The following LIG3 variants were observed in gnomAD, a reference collection of about 807,000 sequenced individuals.
LIG3 encodes the protein DNA ligase 3, also known as ligase II, DNA, ATP-dependent.
LIG3 carries 58 observed loss-of-function variants against 110.9 expected under a neutral mutation model. The observed-to-expected ratio is 0.52, with a 90% CI of 0.42 to 0.65. LIG3 has a LOEUF of 0.65. Ranked by LOEUF, LIG3 falls within the 30% of genes least tolerant of loss-of-function variation. The probability of loss-of-function intolerance (pLI) is 0.00; values close to 1 mark genes in which losing one functional copy is unlikely to be tolerated. For synonymous variants in LIG3, 422 were observed against 472.8 expected (o/e 0.89, Z 1.39); for missense variants, 1,094 against 1,273.8 (o/e 0.86, Z 2.15).
Position 34,994,304 on chromosome 17 carries a change from C to T in LIG3, c.1484C>T (p.Ala495Val). The T allele has an allele frequency of 6.2e-7, 1 of 1,613,736 alleles. No homozygotes were observed. Among genetic ancestry groups the T allele is most frequent in the Non-Finnish European group, 8.5e-7 (1 of 1,179,964 alleles). The change falls in exon 9 of 20, where the codon GCA becomes GTA. Residue 495 changes from alanine (A) to valine (V), a missense_variant. By Grantham distance (64) the Ala-to-Val change is moderately conservative. Coordinates refer to ENST00000378526, the MANE Select transcript of LIG3 (RefSeq NM_013975.4). Reference sequence around the variant, plus strand: ...GAGGCCTGCAAGTCCGTTGAGTATGCAATGAAGAAATGTCCCAATGGCATG... The same window carrying T: ...GAGGCCTGCAAGTCCGTTGAGTATGTAATGAAGAAATGTCCCAATGGCATG... The part of the protein sequence containing the change: ...LAEACKSVEY[A>V]MKKCPNGMFS...
chr17:34,996,030 T>C, intron 9 of LIG3, 34 bp from the exon 10 acceptor site: 1 of 1,602,360 alleles, frequency 6.2e-7, no homozygotes, highest in Non-Finnish European at 8.5e-7. Context: ...TGCTGCCATG[T>C]CATCCCTCAC....
intron 15 of LIG3, 72 bp downstream of exon 15, chr17:34,999,521 G>A: frequency 1.9e-6 from 3 of 1,543,152 alleles, no homozygotes; most frequent in Non-Finnish European, 1.8e-6. Context: ...TGTGCTTTGG[G>A]GACTACAGGT....
At chr17:34,997,312 G>A (rs1355743551) in intron 11 of LIG3, 1 of 177,962 alleles carries the variant, frequency 5.6e-6, no homozygotes, top group Non-Finnish European at 1.2e-5. Context: ...GAAGGAATTG[G>A]TGGGGGTAGG....
At chr17:34,991,595 C>A in intron 5 of LIG3, 76 bp from the exon 6 acceptor site, 1 of 1,447,130 alleles carries the variant, frequency 6.9e-7, no homozygotes, top group South Asian at 1.2e-5. Flanking sequence ...CTTGATTCAT[C>A]TTCAGTCCTG....
chr17:35,005,987 G>A lies in LIG3; in HGVS notation c.*1481G>A, dbSNP rs2090893046. 2 of 250,206 alleles carry A rather than the reference G, an allele frequency of 8.0e-6. No individual in the cohort carries two copies. Among genetic ancestry groups the A allele is most frequent in the Non-Finnish European group, 1.6e-5 (2 of 127,418 alleles). The allele number at this position is 250,206 out of a possible 1,614,324, so 15.5% of individuals were successfully genotyped here. ...ACCTATTGATAATACCAACAATGTT[G>A]AGTGGCATTTTCTTCTTAGTTTTTA... is the stretch of plus-strand genomic sequence containing the variant. On this transcript the variant is annotated 3_prime_UTR_variant, in exon 20 of 20. Transcript: ENST00000378526.
chr17:34,985,277 G>A (rs1234448407), intron 2 of LIG3, among the ~76,000 whole-genome samples: 1 of 152,094 alleles, frequency 6.6e-6, no homozygotes, highest in Non-Finnish European at 1.5e-5. Context: ...GTAAAATAAT[G>A]TTCATATCTT....
intron 8 of LIG3, among the ~76,000 whole-genome samples, chr17:34,992,980 A>T (rs1428217976): frequency 6.6e-6 from 1 of 152,060 alleles, no homozygotes; most frequent in Non-Finnish European, 1.5e-5. Context: ...TCCTGTGTGG[A>T]TGACGTCTGA....
intron 16 of LIG3, among the ~76,000 whole-genome samples, 200 bp downstream of exon 16, chr17:35,000,056 T>TA (rs1327160496): frequency 4.6e-5 from 7 of 152,102 alleles, no homozygotes; most frequent in African/African-American, 7.2e-5. Context: ...ACAATTGCTT[T>TA]AAAAAAAGAG....
In LIG3 at chr17:35,005,269, G is replaced by A. The variant is rs750159072; in HGVS notation, c.*763G>A. The A allele has an allele frequency of 1.9e-6, 1 of 524,206 alleles. No homozygotes were observed. The highest frequency in any genetic ancestry group is 3.8e-6 in the Non-Finnish European group (1 of 259,926). 32.5% of individuals were successfully genotyped at this position (524,206 alleles called of 1,614,324 possible). On this transcript the variant is annotated 3_prime_UTR_variant, in exon 20 of 20. Coordinates refer to ENST00000378526, the MANE Select transcript of LIG3 (RefSeq NM_013975.4). ...AAGAATAAAAATCCACATGGGGCTT[G>A]AGGCCAAGAACAGCCCTTGTTGCCA...
rs2090862583 is a variant in LIG3 at position 35,003,133 on chromosome 17, CA to C, written c.2796+345del. The C allele has an allele frequency of 2.5e-6, 4 of 1,581,932 alleles. No homozygotes were observed. The African/African-American group carries it at 5.4e-5, about 21-fold the overall frequency. On this transcript the variant is annotated intron_variant, in intron 19 of 19. Coordinates refer to ENST00000378526, the MANE Select transcript of LIG3 (RefSeq NM_013975.4). ...AAAATTTACATTAAAGGGAAAAGACCAGTCTGGGTGTGGGAATGCAGCATTG... is the reference window on the plus strand; with the variant it reads ...AAAATTTACATTAAAGGGAAAAGACCGTCTGGGTGTGGGAATGCAGCATTG...
At chr17:34,999,896 T>C in intron 16 of LIG3, 40 bp downstream of exon 16, 1 of 1,520,152 alleles carries the variant, frequency 6.6e-7, no homozygotes, top group Non-Finnish European at 9.1e-7. Flanking sequence ...GCTCATAGAA[T>C]TAGCTTGCAG....
intron 1 of LIG3, among the ~76,000 whole-genome samples, chr17:34,982,572 G>T (rs1390176026): frequency 6.6e-6 from 1 of 151,574 alleles, no homozygotes; most frequent in East Asian, 1.9e-4. Flanking sequence ...GCTTGAACCC[G>T]AGAGGAGGAG....
In LIG3 at chr17:34,999,411, C is replaced by A. The variant is rs760496448; in HGVS notation, c.2218C>A (p.Arg740Ser). Residue 740 changes from arginine to serine, a missense_variant, in exon 15 of 20, where the codon CGC (arginine) becomes AGC (serine). Coordinates refer to ENST00000378526, the MANE Select transcript of LIG3 (RefSeq NM_013975.4). ...AGGHDDATLA[R>S]LQNELDMVKI... The stretch of plus-strand genomic sequence containing the variant: ...AGGCCATGATGATGCCACGCTTGCC[C>A]GCCTGCAGAATGAACTAGACATGGT... 6.2e-7 allele frequency: 1 copy of A among 1,614,056 alleles called. No individual in the cohort carries two copies. Among genetic ancestry groups the A allele is most frequent in the Admixed American group, 1.7e-5 (1 of 60,002 alleles).
chr17:34,983,251 C>G lies in LIG3; in HGVS notation c.246C>G (p.Cys82Trp). 6.2e-7 allele frequency: 1 copy of G among 1,614,226 alleles called. No homozygotes were observed. The highest frequency in any genetic ancestry group is 8.5e-7 in the Non-Finnish European group (1 of 1,180,028). The change falls in exon 2 of 20, where the codon TGC becomes TGG. Residue 82 changes from cysteine to tryptophan, a missense_variant. By Grantham distance (215) the Cys-to-Trp change is radical (BLOSUM62 -2). Coordinates refer to ENST00000378526, the MANE Select transcript of LIG3 (RefSeq NM_013975.4). ...TGCCAGGGTTGCATGTGGGACTCTG[C>G]AGTGGCCCCTGTGAGATGGCTGAGC... ...VFLPGLHVGL[C>W]SGPCEMAEQR...
chr17:34,983,093 C>T lies in LIG3; in HGVS notation c.88C>T (p.Arg30Cys), dbSNP rs1076992. ...GTGCCTATTCCGAAAACATCACTGG[C>T]GTGATGTAAGACAATTCAGCCAGTG... ...ELCLFRKHHW[R>C]DVRQFSQWSE... The change falls in exon 2 of 20, where the codon CGT becomes TGT. Residue 30 changes from arginine to cysteine, a missense_variant. Coordinates refer to ENST00000378526, the MANE Select transcript of LIG3 (RefSeq NM_013975.4). 6.0e-5 allele frequency: 96 copies of T among 1,613,316 alleles called. No homozygotes were observed. The Admixed American group carries it at 1.3e-3, about 22-fold the overall frequency.
intron 8 of LIG3, 98 bp downstream of exon 8, chr17:34,992,790 A>G: frequency 8.3e-7 from 1 of 1,206,814 alleles, no homozygotes; most frequent in South Asian, 1.9e-5. Flanking sequence ...AGCACTTGCA[A>G]ATTGACTGGA....
At chr17:35,003,306 C>T in intron 19 of LIG3, 4 of 528,484 alleles carry the variant, frequency 7.6e-6, no homozygotes, top group Non-Finnish European at 9.0e-6. Context: ...CTGAGCAATT[C>T]TTTTTTTTTT....
chr17:34,983,516 GATA>G lies in LIG3; in HGVS notation c.514_516del (p.Asn172del). The G allele has an allele frequency of 3.1e-6, 5 of 1,613,914 alleles. No individual in the cohort carries two copies. Among genetic ancestry groups the G allele is most frequent in the Non-Finnish European group, 4.2e-6 (5 of 1,179,950 alleles). ...GCTGGAAGGCTGGGAAGAGCTGGAA[GATA>G]ATGAGAAGGAACAGATAACCCAGCA... On this transcript the variant is annotated inframe_deletion, in exon 2 of 20. Transcript: ENST00000378526.
chr17:34,986,112 G>A lies in LIG3; in HGVS notation c.672G>A (p.Arg224=). ...CATTTGTCACCAGTACCAATCCCCG[G>A]AAATTTTCTGGCTTTTCAGGTAAGA... is the stretch of plus-strand genomic sequence containing the variant. ...GASFVTSTNP[R]KFSGFSAKPN... is the part of the protein sequence containing the mutation. Residue 224 remains arginine, a synonymous_variant, in exon 3 of 20, where the codon CGG becomes CGA. Coordinates refer to ENST00000378526, the MANE Select transcript of LIG3 (RefSeq NM_013975.4). The A allele has an allele frequency of 6.2e-7, 1 of 1,614,008 alleles. No individual in the cohort carries two copies. The highest frequency in any genetic ancestry group is 8.5e-7 in the Non-Finnish European group (1 of 1,179,962).
Sources: gnomAD v4.1 joint callset for allele counts (sites outside exome capture counted in the v4.1 genomes callset) on GRCh38, gnomAD v4.1.1 for gene constraint, MANE v1.5 for transcripts, NCBI Gene and HGNC (gene_info 2026-07-23, HGNC 2026-07-21) for gene names.